NEGR1: variants seen among roughly 807,000 people sequenced by gnomAD.
NEGR1 encodes neuronal growth regulator 1.
A neutral mutation model predicts 40.9 loss-of-function variants in NEGR1; 10 were observed. That is an observed-to-expected ratio of 0.24 (90% CI 0.15 to 0.42). NEGR1 has a LOEUF of 0.42. NEGR1 is among the 10% of genes least tolerant of loss of function. The pLI, the probability that NEGR1 is intolerant of heterozygous loss-of-function variation, is 1.00. For missense variants in NEGR1, 352 were observed against 438.9 expected (o/e 0.80, Z 1.77); for synonymous variants, 185 against 166.8 (o/e 1.11, Z -0.84).
At chr1:72,119,879 T>A (rs553080524) in intron 1 of NEGR1, among the ~76,000 whole-genome samples, 2 of 152,088 alleles carry the variant, frequency 1.3e-5, no homozygotes, top group South Asian at 4.1e-4. Flanking sequence ...AATAGACACT[T>A]GGTTACACTC....
chr1:71,805,223 G>A (rs542166999), intron 2 of NEGR1, among the ~76,000 whole-genome samples: 28 of 152,124 alleles, frequency 1.8e-4, no homozygotes, highest in East Asian at 1.2e-3. Context: ...TTTTAATTTC[G>A]CCCCATCCTG....
intron 3 of NEGR1, among the ~76,000 whole-genome samples, chr1:71,742,057 T>A (rs1430609047): frequency 6.6e-6 from 1 of 152,028 alleles, no homozygotes; most frequent in African/African-American, 2.4e-5. Context: ...CTAAACTATA[T>A]CAAGAAGTAA....
chr1:72,146,352 T>C (rs970257621), intron 1 of NEGR1, among the ~76,000 whole-genome samples: 2 of 152,200 alleles, frequency 1.3e-5, no homozygotes, highest in African/African-American at 4.8e-5. Context: ...GAACACATTA[T>C]TTTTCACTCT....
At chr1:71,545,272 C>T (rs887624331) in intron 6 of NEGR1, among the ~76,000 whole-genome samples, 1 of 151,638 alleles carries the variant, frequency 6.6e-6, no homozygotes, top group Admixed American at 6.6e-5. Context: ...ACAGAAGGAA[C>T]AAGGGGTGCT....
chr1:72,244,606 C>G (rs1027811445), intron 1 of NEGR1, among the ~76,000 whole-genome samples: 4 of 151,784 alleles, frequency 2.6e-5, no homozygotes, highest in African/African-American at 7.3e-5. Flanking sequence ...TAGTTATGCT[C>G]TATGAAGTCA....
intron 3 of NEGR1, among the ~76,000 whole-genome samples, chr1:71,769,327 T>C (rs1411084381): frequency 1.3e-5 from 2 of 152,214 alleles, no homozygotes; most frequent in Non-Finnish European, 2.9e-5. Context: ...ACCTCATTTG[T>C]GAGCAGCTAT....
At chr1:71,792,184 C>T (rs536098155) in intron 2 of NEGR1, among the ~76,000 whole-genome samples, 3 of 151,964 alleles carry the variant, frequency 2.0e-5, no homozygotes, top group Non-Finnish European at 4.4e-5. Context: ...ATGGAAAGAA[C>T]GTTTGATTAA....
intron 4 of NEGR1, among the ~76,000 whole-genome samples, chr1:71,659,021 G>C (rs1379299384): frequency 2.0e-5 from 3 of 152,122 alleles, no homozygotes. Flanking sequence ...AATGTGATAA[G>C]ACATCATTGG....
At chr1:71,772,441 GA>G (rs11306776) in intron 3 of NEGR1, among the ~76,000 whole-genome samples, 113,281 of 151,584 alleles carry the variant, frequency 0.75, 44,217 homozygotes, top group East Asian at 0.86. Context: ...ATACATTGTT[GA>G]AAAAAAATGT....
chr1:71,631,719 C>T (rs2101564933), intron 4 of NEGR1, among the ~76,000 whole-genome samples: 1 of 151,884 alleles, frequency 6.6e-6, no homozygotes, highest in African/African-American at 2.4e-5. Flanking sequence ...GAAACCATAA[C>T]TTTATCAGAT....
At chr1:72,066,509 G>C (rs1647275599) in intron 1 of NEGR1, among the ~76,000 whole-genome samples, 2 of 152,076 alleles carry the variant, frequency 1.3e-5, no homozygotes, top group Non-Finnish European at 2.9e-5. Flanking sequence ...TGGAAGCCGT[G>C]ACCCTCAATG....
At chr1:71,830,248 C>T (rs1269452101) in intron 2 of NEGR1, among the ~76,000 whole-genome samples, 1 of 151,872 alleles carries the variant, frequency 6.6e-6, no homozygotes, top group Non-Finnish European at 1.5e-5. Context: ...ATTCATATAG[C>T]AGACATTTCC....
At chr1:71,533,981 A>G (rs570338870) in intron 6 of NEGR1, among the ~76,000 whole-genome samples, 12 of 151,822 alleles carry the variant, frequency 7.9e-5, no homozygotes, top group African/African-American at 2.7e-4. Context: ...AGGAAATTCT[A>G]TAATAGTAAG....
intron 2 of NEGR1, among the ~76,000 whole-genome samples, chr1:71,872,407 T>G (rs1463445571): frequency 6.6e-6 from 1 of 152,134 alleles, no homozygotes; most frequent in African/African-American, 2.4e-5. Flanking sequence ...CGTATTTCTG[T>G]GACAAGCCAG....
intron 1 of NEGR1, among the ~76,000 whole-genome samples, chr1:72,100,360 C>G (rs1249915016): frequency 6.6e-6 from 1 of 152,136 alleles, no homozygotes. Flanking sequence ...GTGCTTCCTC[C>G]GTTTTTACTA....
chr1:71,424,312 T>C (rs1203757702), intron 6 of NEGR1, among the ~76,000 whole-genome samples: 2 of 152,224 alleles, frequency 1.3e-5, no homozygotes, highest in Non-Finnish European at 2.9e-5. Flanking sequence ...TACAAAATTA[T>C]CTTTATTATT....
chr1:72,225,290 C>G (rs763154587), intron 1 of NEGR1, among the ~76,000 whole-genome samples: 1 of 151,890 alleles, frequency 6.6e-6, no homozygotes, highest in Non-Finnish European at 1.5e-5. Context: ...ACCCACATAA[C>G]AATATCCTTC....
intron 1 of NEGR1, among the ~76,000 whole-genome samples, chr1:72,077,366 G>A (rs1458044623): frequency 1.3e-5 from 2 of 152,044 alleles, no homozygotes; most frequent in African/African-American, 4.8e-5. Flanking sequence ...TAGACCCAAT[G>A]TTAACTGAAC....
Position 71,763,192 on chromosome 1 carries a change from A to G in NEGR1, c.535+12980T>C, listed in dbSNP as rs79462973. 6.6e-5 allele frequency among the ~76,000 whole-genome samples: 10 copies of G among 152,282 alleles called. No homozygotes were observed. In the East Asian group the frequency reaches 1.7e-3, roughly 26 times the overall value. On this transcript the variant is annotated intron_variant, in intron 3 of 6. Transcript: ENST00000357731. Reference sequence around the variant, plus strand: ...GTATAGAAATATACACAAACATTGCACTAATGACCATTTCCTAGTTTGATG... The same window carrying G: ...GTATAGAAATATACACAAACATTGCGCTAATGACCATTTCCTAGTTTGATG...
Sources: allele counts gnomAD v4.1 joint callset (sites outside exome capture counted in the v4.1 genomes callset), GRCh38; gene constraint gnomAD v4.1.1; transcripts MANE v1.5; gene names NCBI Gene and HGNC (gene_info 2026-07-23, HGNC 2026-07-21).